The following NUP210 variants were observed in gnomAD, a reference collection of about 807,000 sequenced individuals.
The protein encoded by NUP210 is nucleoporin 210, also known as nuclear pore membrane glycoprotein 210.
In NUP210, 151 loss-of-function variants were observed where a neutral mutation model predicts 196.0. The ratio of observed to expected loss-of-function variants is 0.77; its 90% confidence interval spans 0.67 to 0.88. The LOEUF (loss-of-function observed/expected upper bound fraction) is 0.88. Ranked by LOEUF, NUP210 falls within the 40% of genes least tolerant of loss-of-function variation. The pLI, the probability that NUP210 is intolerant of heterozygous loss-of-function variation, is 0.00. For synonymous variants in NUP210, 1,070 were observed against 1,052.7 expected (o/e 1.02, Z -0.32); for missense variants, 2,314 against 2,493.7 (o/e 0.93, Z 1.53).
chr3:13,395,105 G>A (rs1699608927), intron 3 of NUP210, among the ~76,000 whole-genome samples: 1 of 152,176 alleles, frequency 6.6e-6, no homozygotes. Context: ...AACCCTCCAG[G>A]AGAGGGGGGA....
rs375075668 is a variant in NUP210 at position 13,379,529 on chromosome 3, T to A, written c.976+34A>T. 5 of 1,613,402 alleles carry A rather than the reference T, an allele frequency of 3.1e-6. No individual in the cohort carries two copies. The highest frequency in any genetic ancestry group is 1.3e-5 in the African/African-American group (1 of 74,884). Reference sequence around the variant, plus strand: ...TGACTTCCAAACAGCAGCTCCGCCATGCCTAAGAACACACAAGCCCAAGAA... The same window carrying A: ...TGACTTCCAAACAGCAGCTCCGCCAAGCCTAAGAACACACAAGCCCAAGAA... On this transcript the variant is annotated intron_variant, in intron 7 of 39. Transcript: ENST00000254508. The surrounding 1 kb of genome is among the most constrained non-coding windows in gnomAD (Gnocchi z 4.2).
Position 13,378,574 on chromosome 3 carries a change from C to T in NUP210, c.1045+338G>A, listed in dbSNP as rs551677202. On this transcript the variant is annotated intron_variant, in intron 8 of 39. Transcript: ENST00000254508. The stretch of plus-strand genomic sequence containing the variant: ...ACCTTAGGGTCCCTCTATAATTGAG[C>T]TGACACTGGGCCCCAACCTCTAAAT... Among the ~76,000 whole-genome samples, 7 of 152,370 alleles carry T rather than the reference C, an allele frequency of 4.6e-5. No homozygotes were observed. In the East Asian group the frequency reaches 9.6e-4, roughly 21 times the overall value.
At chr3:13,335,207 T>A (rs907173646) in intron 28 of NUP210, among the ~76,000 whole-genome samples, 19 of 152,234 alleles carry the variant, frequency 1.2e-4, no homozygotes, top group African/African-American at 4.1e-4. Flanking sequence ...TCCAGGCCTT[T>A]GCCAGCCCCT....
chr3:13,360,231 C>T, intron 15 of NUP210, 39 bp downstream of exon 15: 1 of 1,552,958 alleles, frequency 6.4e-7, no homozygotes, highest in Non-Finnish European at 8.9e-7. Context: ...TCCACCCCTG[C>T]CTTAGGGCAA....
chr3:13,418,857 G>A (rs1576436763), intron 1 of NUP210, among the ~76,000 whole-genome samples: 2 of 148,012 alleles, frequency 1.4e-5, no homozygotes, highest in South Asian at 4.3e-4. Flanking sequence ...TACGAGGCGG[G>A]AGAATCGCTT....
chr3:13,366,276 G>A (rs1028789796), intron 13 of NUP210, among the ~76,000 whole-genome samples, 185 bp from the exon 14 acceptor site: 3 of 152,086 alleles, frequency 2.0e-5, no homozygotes, highest in South Asian at 2.1e-4. Flanking sequence ...CTACAGGCAT[G>A]GACCACTACA....
chr3:13,377,555 A>G lies in NUP210; in HGVS notation c.1053T>C (p.Thr351=), dbSNP rs1400373695. 1.2e-6 allele frequency: 2 copies of G among 1,613,076 alleles called. No homozygotes were observed. The highest frequency in any genetic ancestry group is 2.7e-5 in the African/African-American group (2 of 74,892). ...GCACCCACCTGTCACCAGGGTGAAC[A>G]GTGAACCCTAAAACAGGCAGAGGGA... ...YVVEPGYLGF[T]VHPGDRWVLE... The change falls in exon 9 of 40, where the codon ACT becomes ACC. Residue 351 remains threonine (T), a synonymous_variant. Coordinates refer to ENST00000254508, the MANE Select transcript of NUP210 (RefSeq NM_024923.4).
In NUP210 at chr3:13,323,266, C is replaced by T; in HGVS notation, c.4768+43G>A. 6.2e-7 allele frequency: 1 copy of T among 1,611,380 alleles called. No homozygotes were observed. The highest frequency in any genetic ancestry group is 8.5e-7 in the Non-Finnish European group (1 of 1,178,384). ...GAGGACACAGGAAGCCACCTCCCCG[C>T]TCCCAGGTACTCTGAAGACAGCCCA... On this transcript the variant is annotated intron_variant, in intron 34 of 39. Coordinates refer to ENST00000254508, the MANE Select transcript of NUP210 (RefSeq NM_024923.4). This position sits in a 1 kb window ranked among gnomAD's most constrained non-coding sequence, Gnocchi z 4.3.
chr3:13,395,831 G>T (rs1166428352), intron 3 of NUP210, among the ~76,000 whole-genome samples: 3 of 152,202 alleles, frequency 2.0e-5, no homozygotes, highest in Non-Finnish European at 1.5e-5. Context: ...GTGTTTAACT[G>T]TTTGGGAGCT....
In NUP210 at chr3:13,352,170, C is replaced by T; in HGVS notation, c.2643G>A (p.Val881=). Residue 881 remains valine, a synonymous_variant, in exon 19 of 40, where the codon GTG becomes GTA. Transcript: ENST00000254508. ...ARTKQPHDPL[V]PLSASIELIL... is the part of the protein sequence containing the mutation. ...TGAGCTCTATGGAGGCCGACAGAGG[C>T]ACCAGAGGGTCATGCTGAAGGACAA... 1.2e-6 allele frequency: 2 copies of T among 1,613,266 alleles called. No homozygotes were observed. Among genetic ancestry groups the T allele is most frequent in the Non-Finnish European group, 1.7e-6 (2 of 1,179,684 alleles).
In NUP210 at chr3:13,343,189, G is replaced by A. The variant is rs756616247; in HGVS notation, c.2950C>T (p.Arg984Cys). The A allele has an allele frequency of 6.8e-6, 11 of 1,614,188 alleles. No individual in the cohort carries two copies. The highest frequency in any genetic ancestry group is 1.7e-4 in the Middle Eastern group (1 of 6,060). ...YVSDIQELYI[R>C]VVDKVEIGKT... is the part of the protein sequence containing the mutation. ...CTTCCACTGACCTTGTCAACCACAC[G>A]GATGTACAGCTCCTGAATGTCCGAC... Residue 984 changes from arginine (R) to cysteine (C), a missense_variant, in exon 21 of 40, where the codon CGT becomes TGT. By Grantham distance (180) the Arg-to-Cys change is radical. Coordinates refer to ENST00000254508, the MANE Select transcript of NUP210 (RefSeq NM_024923.4).
At chr3:13,373,608 A>G in intron 12 of NUP210, 110 bp downstream of exon 12, 1 of 1,125,402 alleles carries the variant, frequency 8.9e-7, no homozygotes, top group Admixed American at 1.9e-5. Flanking sequence ...TCCTAAGTAC[A>G]GGACCCAAGG....
intron 26 of NUP210, 123 bp from the exon 27 acceptor site, chr3:13,337,041 C>T (rs1697245623): frequency 8.1e-7 from 1 of 1,235,358 alleles, no homozygotes; most frequent in East Asian, 2.4e-5. Context: ...TAGAGAAGAG[C>T]ATGGCACAGG....
At chr3:13,415,569 A>C (rs1700320838) in intron 1 of NUP210, among the ~76,000 whole-genome samples, 1 of 152,210 alleles carries the variant, frequency 6.6e-6, no homozygotes, top group Non-Finnish European at 1.5e-5. Flanking sequence ...TCTCAACGAA[A>C]AGAGCAGAAG....
intron 35 of NUP210, 73 bp downstream of exon 35, chr3:13,322,120 G>A (rs1006706734): frequency 9.7e-6 from 15 of 1,553,920 alleles, no homozygotes; most frequent in South Asian, 7.0e-5. Context: ...AGCTGGGCAC[G>A]TGGAAGCCGC....
rs145956629 is a variant in NUP210 at position 13,343,777 on chromosome 3, G to A, written c.2836-474C>T. ...ACCCCATGGGGTCTTCTGTGAAACC[G>A]CAAGTCAGGGGCTGGCAGAAAACGA... On this transcript the variant is annotated intron_variant, in intron 20 of 39. Transcript: ENST00000254508. Among the ~76,000 whole-genome samples, 441 of 152,258 alleles carry A rather than the reference G, an allele frequency of 2.9e-3. 3 individuals carry two copies. Among genetic ancestry groups the A allele is most frequent in the African/African-American group, 0.01 (428 of 41,540 alleles).
intron 1 of NUP210, among the ~76,000 whole-genome samples, chr3:13,406,035 G>GT (rs1262511690): frequency 6.6e-6 from 1 of 152,204 alleles, no homozygotes; most frequent in Non-Finnish European, 1.5e-5. Flanking sequence ...TAATGTCAAT[G>GT]TTTTTTAAAA....
At chr3:13,367,154 C>T (rs927514349) in intron 13 of NUP210, among the ~76,000 whole-genome samples, 5 of 146,022 alleles carry the variant, frequency 3.4e-5, no homozygotes, top group Admixed American at 1.4e-4. Flanking sequence ...GTTTAATTCA[C>T]GGCCGGGCAT....
chr3:13,321,650 T>G lies in NUP210; in HGVS notation c.5101A>C (p.Ser1701Arg). The stretch of plus-strand genomic sequence containing the variant: ...ATCTCGGAACTGGTGTAGTGGTTGC[T>G]CAAAAGGATTTCAGCCTGGTCGGCG... The part of the protein sequence containing the change: ...LFADQAEILL[S>R]NHYTSSEIRV... The change falls in exon 36 of 40, where the codon AGC becomes CGC. Residue 1701 changes from serine to arginine, a missense_variant. Coordinates refer to ENST00000254508, the MANE Select transcript of NUP210 (RefSeq NM_024923.4). The G allele has an allele frequency of 6.2e-7, 1 of 1,613,958 alleles. No homozygotes were observed. Among genetic ancestry groups the G allele is most frequent in the South Asian group, 1.1e-5 (1 of 91,072 alleles).
Sources: gnomAD v4.1 joint callset for allele counts (sites outside exome capture counted in the v4.1 genomes callset) on GRCh38, gnomAD v4.1.1 for gene constraint, Gnocchi (gnomAD v3.1) non-coding constraint, MANE v1.5 for transcripts, NCBI Gene and HGNC (gene_info 2026-07-23, HGNC 2026-07-21) for gene names.